Variants in OR3A2 observed in about 807,000 individuals in gnomAD.
OR3A2 encodes the protein olfactory receptor 3A2.
For missense variants in OR3A2, 318 were observed against 392.8 expected, an observed-to-expected ratio of 0.81 and a Z score of 1.61; for synonymous variants, 126 against 159.3, an observed-to-expected ratio of 0.79 and a Z score of 1.57.
At chr17:3,333,220 G>T (rs181067555) in intron 3 of OR3A2, among the ~76,000 whole-genome samples, 1 of 152,108 alleles carries the variant, frequency 6.6e-6, no homozygotes, top group Non-Finnish European at 1.5e-5. Flanking sequence ...ACTGAAATAC[G>T]CCCTGGTCTC....
intron 1 of OR3A2, 139 bp downstream of exon 1, chr17:3,385,986 C>G (rs929657300): frequency 2.8e-6 from 1 of 358,818 alleles, no homozygotes; most frequent in African/African-American, 2.4e-5. Context: ...GCCTGGTGGA[C>G]GGAACAGACG....
At chr17:3,346,806 G>A (rs2049367613) in intron 2 of OR3A2, among the ~76,000 whole-genome samples, 1 of 152,042 alleles carries the variant, frequency 6.6e-6, no homozygotes. Context: ...GACTTCCTGT[G>A]CCTGGCTTAT....
chr17:3,366,051 G>T (rs230475), intron 2 of OR3A2, among the ~76,000 whole-genome samples: 61,817 of 151,950 alleles, frequency 0.41, 12,890 homozygotes, highest in Admixed American at 0.52. Context: ...GTTCACTCAA[G>T]AGTCAAAATA....
At chr17:3,307,639 T>G (rs543604889) in intron 3 of OR3A2, among the ~76,000 whole-genome samples, 1 of 152,294 alleles carries the variant, frequency 6.6e-6, no homozygotes, top group Admixed American at 6.5e-5. Context: ...GAAAACATTT[T>G]GAGCCAGGAT....
At chr17:3,310,320 G>C (rs147005481) in intron 3 of OR3A2, 5 of 533,268 alleles carry the variant, frequency 9.4e-6, no homozygotes, top group Non-Finnish European at 1.5e-5. Context: ...CATGGATCTG[G>C]GGAACTCAGG....
At chr17:3,339,406 T>C (rs1090086) in intron 2 of OR3A2, among the ~76,000 whole-genome samples, 61,394 of 152,030 alleles carry the variant, frequency 0.4, 12,739 homozygotes, top group Admixed American at 0.52. Flanking sequence ...GCTGTGGGTT[T>C]ATCATAAATA....
intron 3 of OR3A2, among the ~76,000 whole-genome samples, chr17:3,314,385 T>A (rs1230527623): frequency 6.6e-6 from 1 of 152,228 alleles, no homozygotes; most frequent in African/African-American, 2.4e-5. Flanking sequence ...TAATTCATGT[T>A]TTATGTAAAT....
rs1166283331 is a variant in OR3A2, at chr17:3,367,585, A to G, written c.-179+16219T>C. 6.5e-5 allele frequency among the ~76,000 whole-genome samples: 6 copies of G among 91,810 alleles called. No individual in the cohort carries two copies. The South Asian group carries it at 1.4e-3, about 22-fold the overall frequency. The allele number at this position is 91,810 out of a possible 152,430, so 60.2% of individuals were successfully genotyped here. A position where few individuals can be genotyped will look rare whatever the true frequency, so the allele number is the denominator to read the frequency against. On this transcript the variant is annotated intron_variant, in intron 2 of 4. Transcript: ENST00000573491. ...GAGTAGTATTCCATGGTGTATATGT[A>G]TATGTGTGTGTGTGTGTATATATAT...
chr17:3,345,283 C>T (rs192958780), intron 2 of OR3A2, among the ~76,000 whole-genome samples: 18 of 152,210 alleles, frequency 1.2e-4, no homozygotes, highest in African/African-American at 3.4e-4. Flanking sequence ...GTAAATAATC[C>T]GGACACATCT....
At chr17:3,280,713 G>T (rs2048771917) in intron 1 of OR3A2, among the ~76,000 whole-genome samples, 1 of 152,240 alleles carries the variant, frequency 6.6e-6, no homozygotes, top group South Asian at 2.1e-4. Flanking sequence ...ATGGGAAGCA[G>T]CTGGAGGGGA....
chr17:3,341,300 G>C (rs1282009370), intron 2 of OR3A2, among the ~76,000 whole-genome samples: 1 of 152,152 alleles, frequency 6.6e-6, no homozygotes, highest in Non-Finnish European at 1.5e-5. Flanking sequence ...ATTTGATTCT[G>C]TCATTATGAT....
chr17:3,277,577 A>G (rs2048747125), exon 2 of OR3A2: 2 of 172,454 alleles, frequency 1.2e-5, no homozygotes, highest in Admixed American at 5.4e-5. Context: ...ACAGCCAAAA[A>G]CAGGGTAAAA....
intron 2 of OR3A2, among the ~76,000 whole-genome samples, chr17:3,372,479 G>C (rs1372124341): frequency 2.0e-5 from 3 of 152,048 alleles, no homozygotes; most frequent in African/African-American, 7.2e-5. Flanking sequence ...AGGCGGCTGG[G>C]AGGTGGAGGT....
At chr17:3,377,411 T>C (rs1013817045) in intron 2 of OR3A2, 4 of 152,244 alleles carry the variant, frequency 2.6e-5, no homozygotes, top group Non-Finnish European at 5.9e-5. Context: ...ATCATTATTA[T>C]TGTTGCTTAT....
At chr17:3,358,201 C>T (rs4790471) in intron 2 of OR3A2, among the ~76,000 whole-genome samples, 26,161 of 151,526 alleles carry the variant, frequency 0.17, 3,132 homozygotes, top group Admixed American at 0.34. Context: ...AAATCCCAGA[C>T]CTAGAAGGTT....
chr17:3,365,564 C>T (rs2049555445), intron 2 of OR3A2, among the ~76,000 whole-genome samples: 2 of 152,148 alleles, frequency 1.3e-5, no homozygotes, highest in Non-Finnish European at 2.9e-5. Context: ...CTCAATCATG[C>T]CATGTGCTCA....
At chr17:3,278,693 T>G in exon 2 of OR3A2, 1 of 1,353,794 alleles carries the variant, frequency 7.4e-7, no homozygotes, top group South Asian at 1.3e-5. Flanking sequence ...CAGTGATACA[T>G]CCGACATCCA....
At chr17:3,386,010 G>A (rs1240315539) in intron 1 of OR3A2, 115 bp downstream of exon 1, 1 of 398,690 alleles carries the variant, frequency 2.5e-6, no homozygotes, top group Non-Finnish European at 4.4e-6. Context: ...ACCCGCTGCT[G>A]TTCCTGCTCT....
intron 3 of OR3A2, among the ~76,000 whole-genome samples, chr17:3,298,701 G>A (rs1036544904): frequency 6.6e-6 from 1 of 152,162 alleles, no homozygotes; most frequent in African/African-American, 2.4e-5. Flanking sequence ...AGCAGAAGGG[G>A]GCCCCCGGAG....
Sources: gnomAD v4.1 joint callset for allele counts (sites outside exome capture counted in the v4.1 genomes callset) on GRCh38, gnomAD v4.1.1 for gene constraint, MANE v1.5 for transcripts, NCBI Gene and HGNC (gene_info 2026-07-23, HGNC 2026-07-21) for gene names.